Variants in CHSY1 observed in about 807,000 individuals in gnomAD.
CHSY1 encodes the protein chondroitin sulfate synthase 1, also known as N-acetylgalactosaminyl-proteoglycan 3-beta-glucuronosyltransferase 1.
CHSY1 carries 13 observed loss-of-function variants against 59.8 expected under a neutral mutation model. That is an observed-to-expected ratio of 0.22 (90% CI 0.14 to 0.35). The LOEUF (loss-of-function observed/expected upper bound fraction) is 0.35. Ranked by LOEUF, CHSY1 falls within the 10% of genes least tolerant of loss-of-function variation. The pLI, the probability that CHSY1 is intolerant of heterozygous loss-of-function variation, is 1.00. For missense variants in CHSY1, 947 were observed against 1,030.6 expected, an observed-to-expected ratio of 0.92 and a Z score of 1.11; for synonymous variants, 459 against 401.2, an observed-to-expected ratio of 1.14 and a Z score of -1.72.
At chr15:101,213,771 G>A (rs2038704608) in intron 2 of CHSY1, among the ~76,000 whole-genome samples, 1 of 152,118 alleles carries the variant, frequency 6.6e-6, no homozygotes. Flanking sequence ...TGAAACAGAA[G>A]ATACAGGTAC....
chr15:101,243,153 A>G (rs1032928656), intron 1 of CHSY1, among the ~76,000 whole-genome samples: 2 of 152,186 alleles, frequency 1.3e-5, no homozygotes, highest in African/African-American at 4.8e-5. Flanking sequence ...AGCTACGAGG[A>G]GCCCGCCCTT....
intron 2 of CHSY1, among the ~76,000 whole-genome samples, chr15:101,203,462 TATC>T (rs148107262): frequency 0.1 from 15,442 of 152,240 alleles, 1,101 homozygotes; most frequent in Middle Eastern, 0.19. Context: ...TGCTCAACAA[TATC>T]ATCATTTGAC....
At chr15:101,183,693 T>C (rs1026122516) in intron 2 of CHSY1, among the ~76,000 whole-genome samples, 1 of 152,250 alleles carries the variant, frequency 6.6e-6, no homozygotes, top group Non-Finnish European at 1.5e-5. Context: ...CGGACAGCCC[T>C]GCAGCAGCTG....
chr15:101,193,432 C>T (rs2038470325), intron 2 of CHSY1, among the ~76,000 whole-genome samples: 1 of 152,196 alleles, frequency 6.6e-6, no homozygotes, highest in African/African-American at 2.4e-5. Flanking sequence ...ATACGCTGTG[C>T]TCTTTCAGAA....
At chr15:101,242,286 C>T (rs1242128656) in intron 1 of CHSY1, among the ~76,000 whole-genome samples, 1 of 152,184 alleles carries the variant, frequency 6.6e-6, no homozygotes, top group Admixed American at 6.5e-5. Flanking sequence ...GTGGAGGCTG[C>T]CCTGCCCAGG....
intron 2 of CHSY1, among the ~76,000 whole-genome samples, chr15:101,216,519 G>A (rs867513854): frequency 6.6e-5 from 10 of 152,182 alleles, no homozygotes; most frequent in South Asian, 2.1e-4. Context: ...TGGTACATCC[G>A]TACGATGGAA....
intron 1 of CHSY1, among the ~76,000 whole-genome samples, chr15:101,244,660 A>G (rs2039033718): frequency 6.6e-6 from 1 of 152,248 alleles, no homozygotes; most frequent in African/African-American, 2.4e-5. Flanking sequence ...TATGCTACAC[A>G]AACATACACT....
chr15:101,244,012 A>G (rs2039027770), intron 1 of CHSY1, among the ~76,000 whole-genome samples: 1 of 152,196 alleles, frequency 6.6e-6, no homozygotes, highest in African/African-American at 2.4e-5. Flanking sequence ...CATCAACTTG[A>G]CACCACATCA....
At chr15:101,229,610 A>G (rs147085248) in intron 2 of CHSY1, among the ~76,000 whole-genome samples, 4 of 152,336 alleles carry the variant, frequency 2.6e-5, no homozygotes, top group African/African-American at 7.2e-5. Context: ...TTCAACAATA[A>G]CATTAGAGAC....
rs2038191141 is a variant in CHSY1 at position 101,176,538 on chromosome 15, G to A, written c.*850C>T. 1 of 397,040 alleles carries A rather than the reference G, an allele frequency of 2.5e-6. No homozygotes were observed. Among genetic ancestry groups the A allele is most frequent in the Non-Finnish European group, 4.4e-6 (1 of 225,670 alleles). The allele number at this position is 397,040 out of a possible 1,614,324, so 24.6% of individuals were successfully genotyped here. The stretch of plus-strand genomic sequence containing the variant: ...ATTTAGGCCGAATGAACTACCACGA[G>A]AACAGCCACATACCTCACTGTGCCT... On this transcript the variant is annotated 3_prime_UTR_variant, in exon 3 of 3. Transcript: ENST00000254190.
At chr15:101,194,580 T>C (rs889012647) in intron 2 of CHSY1, among the ~76,000 whole-genome samples, 2 of 152,202 alleles carry the variant, frequency 1.3e-5, no homozygotes, top group Non-Finnish European at 2.9e-5. Context: ...AGCTACATAA[T>C]AATCAGGTGC....
intron 2 of CHSY1, among the ~76,000 whole-genome samples, chr15:101,193,367 G>A (rs560591194): frequency 6.6e-5 from 10 of 152,366 alleles, no homozygotes; most frequent in South Asian, 4.1e-4. Context: ...CCAGACAGCA[G>A]TGAGGGGGCC....
chr15:101,219,908 A>C (rs1452253851), intron 2 of CHSY1, among the ~76,000 whole-genome samples: 1 of 152,174 alleles, frequency 6.6e-6, no homozygotes, highest in Non-Finnish European at 1.5e-5. Flanking sequence ...CTGGGATTAC[A>C]GGCATGTGCC....
intron 2 of CHSY1, among the ~76,000 whole-genome samples, chr15:101,215,488 A>AC (rs765811754): frequency 3.7e-4 from 57 of 152,320 alleles, no homozygotes; most frequent in Non-Finnish European, 6.9e-4. Context: ...TAATCCCAGC[A>AC]TCTGAGGAGG....
intron 2 of CHSY1, among the ~76,000 whole-genome samples, chr15:101,200,055 T>C (rs1222687463): frequency 6.6e-6 from 1 of 152,218 alleles, no homozygotes; most frequent in Admixed American, 6.5e-5. Flanking sequence ...ACTCACTATA[T>C]GCCCGGTACT....
At chr15:101,217,429 A>ACCC (rs1244493839) in intron 2 of CHSY1, among the ~76,000 whole-genome samples, 1 of 152,208 alleles carries the variant, frequency 6.6e-6, no homozygotes, top group Non-Finnish European at 1.5e-5. Context: ...AGCAAGTGAC[A>ACCC]CCCCAATAGC....
At chr15:101,183,067 G>A (rs2038301961) in intron 2 of CHSY1, among the ~76,000 whole-genome samples, 1 of 152,028 alleles carries the variant, frequency 6.6e-6, no homozygotes, top group East Asian at 1.9e-4. Flanking sequence ...AAAAACCCTT[G>A]AAACCAAACA....
chr15:101,244,420 C>A (rs1007980111), intron 1 of CHSY1, among the ~76,000 whole-genome samples: 1 of 152,170 alleles, frequency 6.6e-6, no homozygotes, highest in African/African-American at 2.4e-5. Flanking sequence ...CTGACTGAAA[C>A]GAGAACGGGC....
chr15:101,185,978 C>T (rs964178565), intron 2 of CHSY1, among the ~76,000 whole-genome samples: 7 of 151,580 alleles, frequency 4.6e-5, no homozygotes, highest in Non-Finnish European at 7.4e-5. Context: ...GTAGGAAACA[C>T]GCAGGTAGCA....
Sources: allele counts gnomAD v4.1 joint callset (sites outside exome capture counted in the v4.1 genomes callset), GRCh38; gene constraint gnomAD v4.1.1; transcripts MANE v1.5; gene names NCBI Gene and HGNC (gene_info 2026-07-23, HGNC 2026-07-21).